The following TMEM135 variants were observed in gnomAD, a reference collection of about 807,000 sequenced individuals.
The protein encoded by TMEM135 is transmembrane protein 135.
Under a neutral mutation model 60.3 loss-of-function variants are expected in TMEM135, and 30 were observed. The observed-to-expected ratio is 0.50, with a 90% confidence interval of 0.37 to 0.68. TMEM135 has a LOEUF of 0.68. Among genes scored for constraint, TMEM135 ranks in the 30% least tolerant of loss-of-function variants. The pLI is 0.00. For synonymous variants in TMEM135, 190 were observed against 186.7 expected (o/e 1.02, Z -0.14); for missense variants, 468 against 548.8 (o/e 0.85, Z 1.47).
At chr11:87,192,259 G>T (rs934478693) in intron 5 of TMEM135, among the ~76,000 whole-genome samples, 1 of 151,546 alleles carries the variant, frequency 6.6e-6, no homozygotes, top group East Asian at 1.9e-4. Flanking sequence ...AAAGTGCTGG[G>T]ATTACAGGCA....
intron 9 of TMEM135, among the ~76,000 whole-genome samples, chr11:87,308,924 A>G (rs1487119559): frequency 6.6e-6 from 1 of 152,110 alleles, no homozygotes; most frequent in African/African-American, 2.4e-5. Flanking sequence ...ACTCCTCCCT[A>G]GAGATGTTTT....
chr11:87,258,622 A>ATGGC (rs1941580171), intron 6 of TMEM135, among the ~76,000 whole-genome samples: 1 of 152,160 alleles, frequency 6.6e-6, no homozygotes, highest in South Asian at 2.1e-4. Flanking sequence ...AACCATTTGC[A>ATGGC]TGGCTGCACT....
At chr11:87,297,483 C>G (rs1462460062) in intron 7 of TMEM135, among the ~76,000 whole-genome samples, 1 of 152,154 alleles carries the variant, frequency 6.6e-6, no homozygotes, top group East Asian at 1.9e-4. Context: ...ATTGTTGTTG[C>G]ATTGGCTAGA....
chr11:87,133,157 T>G (rs900788652), intron 4 of TMEM135, among the ~76,000 whole-genome samples: 1 of 152,232 alleles, frequency 6.6e-6, no homozygotes, highest in Admixed American at 6.5e-5. Context: ...GCAAACAGTT[T>G]AAAACTGATG....
At chr11:87,081,109 G>T (rs1856983582) in intron 3 of TMEM135, among the ~76,000 whole-genome samples, 1 of 149,862 alleles carries the variant, frequency 6.7e-6, no homozygotes. Flanking sequence ...TTTTTTAGCA[G>T]ATAATATACA....
intron 6 of TMEM135, among the ~76,000 whole-genome samples, chr11:87,279,195 C>T (rs1419802083): frequency 6.6e-6 from 1 of 151,932 alleles, no homozygotes; most frequent in Non-Finnish European, 1.5e-5. Context: ...TGATTGTGTA[C>T]TAGTATGATT....
intron 6 of TMEM135, among the ~76,000 whole-genome samples, chr11:87,250,706 T>C (rs1941397384): frequency 6.6e-6 from 1 of 152,170 alleles, no homozygotes; most frequent in African/African-American, 2.4e-5. Context: ...TAGGTTCTTT[T>C]TAAAAAAATA....
At chr11:87,186,728 A>G (rs1397497561) in intron 5 of TMEM135, among the ~76,000 whole-genome samples, 3 of 152,202 alleles carry the variant, frequency 2.0e-5, no homozygotes, top group Admixed American at 6.5e-5. Flanking sequence ...GTAGGAAAAT[A>G]TAAAGATTTA....
chr11:87,288,297 C>T (rs1436535962), intron 6 of TMEM135, among the ~76,000 whole-genome samples: 1 of 152,144 alleles, frequency 6.6e-6, no homozygotes, highest in Non-Finnish European at 1.5e-5. Context: ...ACAGGTCTTT[C>T]TATAGCAGTG....
chr11:87,120,862 CTT>C (rs1858038141), intron 4 of TMEM135, among the ~76,000 whole-genome samples: 1 of 152,076 alleles, frequency 6.6e-6, no homozygotes, highest in African/African-American at 2.4e-5. Context: ...TGATCTAGAA[CTT>C]TGTTATCTTG....
chr11:87,242,703 G>A, intron 6 of TMEM135, among the ~76,000 whole-genome samples: 1 of 141,844 alleles, frequency 7.1e-6, no homozygotes, highest in Non-Finnish European at 1.5e-5. Context: ...GGGGTTGTTT[G>A]TTTTTTTCTT....
chr11:87,089,625 A>G (rs1013366317), intron 3 of TMEM135, among the ~76,000 whole-genome samples: 2 of 152,154 alleles, frequency 1.3e-5, no homozygotes, highest in African/African-American at 4.8e-5. Flanking sequence ...AATTTGTAAC[A>G]TATATGTTTT....
chr11:87,150,001 G>A (rs1374545049), intron 4 of TMEM135, among the ~76,000 whole-genome samples: 1 of 152,130 alleles, frequency 6.6e-6, no homozygotes, highest in African/African-American at 2.4e-5. Context: ...TGGATCACCT[G>A]AGGGTCAAGA....
At chr11:87,117,347 C>T (rs1253379630) in intron 4 of TMEM135, among the ~76,000 whole-genome samples, 1 of 152,280 alleles carries the variant, frequency 6.6e-6, no homozygotes, top group South Asian at 2.1e-4. Flanking sequence ...CTCTTTCTTT[C>T]ATGAAAGATC....
At chr11:87,233,995 A>G (rs535759386) in intron 5 of TMEM135, among the ~76,000 whole-genome samples, 3 of 152,234 alleles carry the variant, frequency 2.0e-5, no homozygotes, top group South Asian at 4.1e-4. Flanking sequence ...AGTTTTAAAA[A>G]CTTTTTAAAA....
intron 6 of TMEM135, among the ~76,000 whole-genome samples, chr11:87,266,358 A>T (rs1276233706): frequency 6.6e-6 from 1 of 152,190 alleles, no homozygotes; most frequent in Non-Finnish European, 1.5e-5. Context: ...CAAAGGACTG[A>T]TGTTTTAATA....
At chr11:87,126,597 A>AAAAT (rs2135224888) in intron 4 of TMEM135, among the ~76,000 whole-genome samples, 2 of 150,338 alleles carry the variant, frequency 1.3e-5, no homozygotes, top group South Asian at 4.2e-4. Context: ...TGCTTTTTAA[A>AAAAT]ATATATATAT....
intron 4 of TMEM135, among the ~76,000 whole-genome samples, chr11:87,099,639 G>A (rs1485689907): frequency 1.4e-5 from 2 of 147,600 alleles, no homozygotes; most frequent in Non-Finnish European, 3.0e-5. Flanking sequence ...ATGCCCATTA[G>A]TGCAGTTGCT....
intron 4 of TMEM135, among the ~76,000 whole-genome samples, chr11:87,148,095 T>G (rs1454823331): frequency 1.3e-5 from 2 of 152,194 alleles, no homozygotes; most frequent in Non-Finnish European, 2.9e-5. Flanking sequence ...AGACAGTTAT[T>G]TCCCTCTGTC....
Sources: gnomAD v4.1 joint callset for allele counts (sites outside exome capture counted in the v4.1 genomes callset) on GRCh38, gnomAD v4.1.1 for gene constraint, MANE v1.5 for transcripts, NCBI Gene and HGNC (gene_info 2026-07-23, HGNC 2026-07-21) for gene names.